Variants in POU2AF3 observed in about 807,000 individuals in gnomAD.
POU2AF3 encodes POU class 2 homeobox associating factor 3, also known as cancer susceptibility candidate 13.
At chr11:111,306,381 C>T in the POU2AF3 span, 1 of 1,392,306 alleles carries the variant, frequency 7.2e-7, no homozygotes, top group South Asian at 1.7e-5. Context: ...TGCCTTTTTC[C>T]TTTCTCCTCT....
chr11:111,300,582 G>A, the POU2AF3 span: 3 of 1,232,196 alleles, frequency 2.4e-6, no homozygotes, highest in Non-Finnish European at 3.0e-6. Context: ...AGGAGCTGCT[G>A]CAGCAAAGAC....
the POU2AF3 span, chr11:111,298,839 C>A: frequency 6.9e-6 from 8 of 1,153,812 alleles, no homozygotes; most frequent in Non-Finnish European, 8.7e-6. Context: ...CCCGCCCGCC[C>A]TCCCACGTAT....
At chr11:111,305,052 C>A in the POU2AF3 span, 1 of 991,726 alleles carries the variant, frequency 1.0e-6, no homozygotes, top group Non-Finnish European at 1.3e-6. Context: ...GTCTTTCAGT[C>A]TTGATTCAGG....
the POU2AF3 span, chr11:111,306,641 T>C: frequency 4.0e-6 from 6 of 1,517,210 alleles, no homozygotes; most frequent in Non-Finnish European, 4.5e-6. Flanking sequence ...TTCTCAGTTC[T>C]TTATATACCT....
At chr11:111,308,247 A>T in the POU2AF3 span, 1 of 1,551,690 alleles carries the variant, frequency 6.4e-7, no homozygotes, top group Non-Finnish European at 8.7e-7. Context: ...TCACACGCCC[A>T]GTACAGCTGC....
the POU2AF3 span, among the ~76,000 whole-genome samples, chr11:111,305,595 G>C: frequency 6.6e-6 from 1 of 152,196 alleles, no homozygotes; most frequent in African/African-American, 2.4e-5. Flanking sequence ...AGGAACTTGA[G>C]ACCTCAAGAA....
chr11:111,298,761 C>T, the POU2AF3 span: 3 of 1,125,418 alleles, frequency 2.7e-6, no homozygotes, highest in Non-Finnish European at 2.2e-6. Context: ...TCCCACTCAG[C>T]GCCTGTCCCG....
chr11:111,299,035 G>A, the POU2AF3 span: 6 of 991,300 alleles, frequency 6.1e-6, no homozygotes, highest in Non-Finnish European at 7.2e-6. Flanking sequence ...GGAGCCGATC[G>A]GGGAACGGGG....
At chr11:111,304,812 G>A in the POU2AF3 span, 19 of 522,246 alleles carry the variant, frequency 3.6e-5, no homozygotes, top group Middle Eastern at 5.5e-4. Flanking sequence ...TTCTGAGAAG[G>A]AAGAATCTGG....
chr11:111,300,053 T>C, the POU2AF3 span: 1 of 394,768 alleles, frequency 2.5e-6, no homozygotes, highest in Non-Finnish European at 4.5e-6. Context: ...TCCATGCTAG[T>C]GGGAACATCA....
chr11:111,306,039 G>T, the POU2AF3 span, among the ~76,000 whole-genome samples: 8 of 152,198 alleles, frequency 5.3e-5, no homozygotes, highest in African/African-American at 1.9e-4. Context: ...ACTTCTGAGA[G>T]GTTTACGTGA....
chr11:111,306,529 T>C, the POU2AF3 span: 2 of 1,550,550 alleles, frequency 1.3e-6, no homozygotes, highest in Non-Finnish European at 1.7e-6. Context: ...CAGACAGAGA[T>C]GCACCCGGAG....
the POU2AF3 span, chr11:111,299,644 C>G: frequency 8.1e-7 from 1 of 1,229,468 alleles, no homozygotes; most frequent in East Asian, 3.2e-5. Flanking sequence ...CCCCGGACGG[C>G]TTTCCCCAGC....
the POU2AF3 span, among the ~76,000 whole-genome samples, chr11:111,304,106 G>T: frequency 2.0e-5 from 3 of 152,112 alleles, no homozygotes; most frequent in East Asian, 5.8e-4. Flanking sequence ...ATGAAAGTAG[G>T]TTCCAACTCA....
chr11:111,307,923 C>A, the POU2AF3 span: 1 of 635,248 alleles, frequency 1.6e-6, no homozygotes, highest in Non-Finnish European at 2.5e-6. Flanking sequence ...AAAATTACTT[C>A]TGCAGACTTG....
At chr11:111,299,637 C>G in the POU2AF3 span, 18 of 1,228,620 alleles carry the variant, frequency 1.5e-5, no homozygotes, top group Non-Finnish European at 1.8e-5. Context: ...TCGGGAGCCC[C>G]GGACGGCTTT....
chr11:111,303,420 G>C, the POU2AF3 span, among the ~76,000 whole-genome samples: 1 of 152,162 alleles, frequency 6.6e-6, no homozygotes, highest in African/African-American at 2.4e-5. Flanking sequence ...AAATCTAAGA[G>C]AGAGTTGCCT....
At chr11:111,306,616 A>G in the POU2AF3 span, 1 of 1,551,200 alleles carries the variant, frequency 6.4e-7, no homozygotes, top group Non-Finnish European at 8.7e-7. Context: ...TGCTTTAACC[A>G]GAGCCTGGTA....
the POU2AF3 span, among the ~76,000 whole-genome samples, chr11:111,300,946 G>GTA: frequency 2.0e-5 from 3 of 152,176 alleles, no homozygotes; most frequent in Non-Finnish European, 4.4e-5. Flanking sequence ...GGAAGACAGT[G>GTA]GATATATGTA....
Sources: allele counts gnomAD v4.1 joint callset (sites outside exome capture counted in the v4.1 genomes callset), GRCh38; gene constraint gnomAD v4.1.1; transcripts MANE v1.5; gene names NCBI Gene and HGNC (gene_info 2026-07-23, HGNC 2026-07-21).